The following SPAG9 variants were observed in gnomAD, a reference collection of about 807,000 sequenced individuals.
SPAG9 encodes C-Jun-amino-terminal kinase-interacting protein 4.
In SPAG9, 35 loss-of-function variants were observed where a neutral mutation model predicts 166.5. The ratio of observed to expected loss-of-function variants is 0.21; its 90% confidence interval spans 0.16 to 0.28. The LOEUF is 0.28. Ranked by LOEUF, SPAG9 falls within the 10% of genes least tolerant of loss-of-function variation. The pLI is 1.00. For synonymous variants in SPAG9, 534 were observed against 565.5 expected, an observed-to-expected ratio of 0.94 and a Z score of 0.79; for missense variants, 1,235 against 1,603.3, an observed-to-expected ratio of 0.77 and a Z score of 3.92.
chr17:51,073,884 C>T (rs1017870233), intron 2 of SPAG9, among the ~76,000 whole-genome samples: 4 of 152,124 alleles, frequency 2.6e-5, no homozygotes, highest in Non-Finnish European at 5.9e-5. Flanking sequence ...GGGCGGACCA[C>T]AAGGTCAGGA....
chr17:51,053,593 G>A (rs950067037), intron 3 of SPAG9, among the ~76,000 whole-genome samples: 2 of 151,632 alleles, frequency 1.3e-5, no homozygotes, highest in African/African-American at 4.8e-5. Context: ...GCTGAGGCAG[G>A]AGAATCGCTT....
Position 50,998,707 on chromosome 17 carries a change from G to A in SPAG9, c.1665-90C>T, listed in dbSNP as rs2044790096. 3 of 1,298,574 alleles carry A rather than the reference G, an allele frequency of 2.3e-6. No individual in the cohort carries two copies. The South Asian group carries it at 4.1e-5, about 18-fold the overall frequency. 80.4% of individuals were successfully genotyped at this position (1,298,574 alleles called of 1,614,324 possible). ...AACTTTAATGTTGAAGAAAATTTCA[G>A]AGTACTTTTACAAGGCAATGAGTTA... On this transcript the variant is annotated intron_variant, in intron 14 of 29. Transcript: ENST00000262013.
chr17:51,006,031 T>G, intron 11 of SPAG9, 54 bp downstream of exon 11: 1 of 1,591,864 alleles, frequency 6.3e-7, no homozygotes, highest in South Asian at 1.1e-5. Flanking sequence ...TCTGTAACCC[T>G]TTGTGGCATA....
At chr17:50,981,744 A>AATGCTAGGCC (rs1211272344) in intron 25 of SPAG9, among the ~76,000 whole-genome samples, 2 of 151,470 alleles carry the variant, frequency 1.3e-5, no homozygotes, top group African/African-American at 4.8e-5. Context: ...GTAAGAAAAC[A>AATGCTAGGCC]ATGCTAGGCC....
Position 51,021,383 on chromosome 17 carries a change from T to G in SPAG9, c.784-18A>C. Reference sequence around the variant, plus strand: ...AGCTCATCCTACAAATAAAAATAATTTAAAATAAAATTTTAAATGACGAAT... The same window carrying G: ...AGCTCATCCTACAAATAAAAATAATGTAAAATAAAATTTTAAATGACGAAT... On this transcript the variant is annotated intron_variant, in intron 6 of 29. Transcript: ENST00000262013. 1.3e-6 allele frequency: 2 copies of G among 1,567,676 alleles called. No individual in the cohort carries two copies. The highest frequency in any genetic ancestry group is 2.4e-5 in the South Asian group (2 of 83,370).
At chr17:51,109,840 T>C (rs2049057139) in intron 1 of SPAG9, among the ~76,000 whole-genome samples, 1 of 152,014 alleles carries the variant, frequency 6.6e-6, no homozygotes, top group African/African-American at 2.4e-5. Flanking sequence ...GCCCCCCAAG[T>C]AGCTGGGACT....
At chr17:51,020,118 T>TGGG (rs201693076) in intron 8 of SPAG9, 41 bp downstream of exon 8, 1 of 1,168,194 alleles carries the variant, frequency 8.6e-7, no homozygotes, top group Admixed American at 1.8e-5. Flanking sequence ...GAGTTGGGGG[T>TGGG]GGGGGGCGCA....
chr17:51,006,380 T>G lies in SPAG9; in HGVS notation c.1272-143A>C, dbSNP rs190958896. 3,253 of 757,190 alleles carry G rather than the reference T, an allele frequency of 4.3e-3. 11 individuals are homozygous for G. The highest frequency in any genetic ancestry group is 5.1e-3 in the Non-Finnish European group (2,525 of 493,154). The allele number at this position is 757,190 out of a possible 1,614,324, so 46.9% of individuals were successfully genotyped here. On this transcript the variant is annotated intron_variant, in intron 10 of 29. Transcript: ENST00000262013. ...CATTCTACCCAATGTTGTTTGTAGATAAATGCAAAAAGAACACAAAGCAAC... is the reference window on the plus strand; with the variant it reads ...CATTCTACCCAATGTTGTTTGTAGAGAAATGCAAAAAGAACACAAAGCAAC...
intron 2 of SPAG9, among the ~76,000 whole-genome samples, chr17:51,069,884 T>C (rs1405194457): frequency 6.6e-6 from 1 of 152,000 alleles, no homozygotes; most frequent in Non-Finnish European, 1.5e-5. Context: ...GCCAACAACA[T>C]TTTTCCATTT....
At position 51,120,602 on chromosome 17, in the gene SPAG9, C is replaced by T. The variant is rs1419265052; in HGVS notation, c.55G>A (p.Val19Met). The change falls in exon 1 of 30, where the codon GTG becomes ATG. Residue 19 changes from valine to methionine, a missense_variant. Around this residue, in one of 6 missense-constraint regions of SPAG9, gnomAD observed 83 missense variants for 149.8 expected, o/e 0.55. Coordinates refer to ENST00000262013, the MANE Select transcript of SPAG9 (RefSeq NM_001130528.3). This position sits in a 1 kb window ranked among gnomAD's most constrained non-coding sequence, Gnocchi z 4.7. ...YQEEPGGSGAVMSERVSGLAG... is the reference protein window; with the variant it reads ...YQEEPGGSGAMMSERVSGLAG... ...AGGCCGGACACCCGCTCCGACATCA[C>T]GGCCCCGGAGCCGCCGGGCTCCTCC... The T allele has an allele frequency of 6.2e-7, 1 of 1,612,760 alleles. No individual in the cohort carries two copies. Among genetic ancestry groups the T allele is most frequent in the Non-Finnish European group, 8.5e-7 (1 of 1,179,582 alleles).
At position 50,985,752 on chromosome 17, in the gene SPAG9, T is replaced by C; in HGVS notation, c.2966A>G (p.Gln989Arg). Residue 989 changes from glutamine (Q) to arginine (R), a missense_variant, in exon 23 of 30, where the codon CAG (glutamine) becomes CGG (arginine). Physicochemically the swap from Gln to Arg is conservative, Grantham distance 43. This residue lies in a region of SPAG9 where 493 missense variants were observed against 559.4 expected (regional missense o/e 0.88). Coordinates refer to ENST00000262013, the MANE Select transcript of SPAG9 (RefSeq NM_001130528.3). ...AATGGAATGGAGACATTTCCTCCAC[T>C]GGGCTACAGATGAATGGACATACAA... ...GCLYVHSSVA[Q>R]WRKCLHSIKL... 1.9e-6 allele frequency: 3 copies of C among 1,607,950 alleles called. No individual in the cohort carries two copies. Among genetic ancestry groups the C allele is most frequent in the Non-Finnish European group, 2.6e-6 (3 of 1,174,898 alleles).
intron 2 of SPAG9, among the ~76,000 whole-genome samples, chr17:51,060,846 T>TG (rs1362023672): frequency 1.3e-5 from 2 of 148,774 alleles, no homozygotes; most frequent in African/African-American, 5.1e-5. Context: ...GGGTTTTTTT[T>TG]GTTTTTTTTT....
intron 1 of SPAG9, among the ~76,000 whole-genome samples, chr17:51,119,671 C>G (rs1020646194): frequency 6.6e-6 from 1 of 152,036 alleles, no homozygotes; most frequent in Admixed American, 6.6e-5. Flanking sequence ...TATAAATAAA[C>G]GGAGGGTTTT....
At chr17:51,106,908 C>T (rs922999955) in intron 1 of SPAG9, among the ~76,000 whole-genome samples, 3 of 151,888 alleles carry the variant, frequency 2.0e-5, no homozygotes, top group African/African-American at 7.3e-5. Flanking sequence ...TCAAGACCAG[C>T]CTGGCTAATA....
intron 3 of SPAG9, among the ~76,000 whole-genome samples, chr17:51,049,219 TACA>T (rs1008902126): frequency 5.3e-5 from 8 of 149,650 alleles, no homozygotes; most frequent in Admixed American, 3.3e-4. Flanking sequence ...GAAAAAAAAA[TACA>T]ACAACTAGCA....
intron 3 of SPAG9, among the ~76,000 whole-genome samples, chr17:51,048,717 T>C (rs1202025839): frequency 6.6e-6 from 1 of 152,188 alleles, no homozygotes; most frequent in South Asian, 2.1e-4. Context: ...TTTTAAGATG[T>C]TATTTATCAT....
intron 25 of SPAG9, among the ~76,000 whole-genome samples, chr17:50,981,166 C>T (rs186413605): frequency 1.0e-3 from 94 of 91,240 alleles, no homozygotes; most frequent in African/African-American, 2.5e-3. Context: ...CCATAAGTCA[C>T]GCTGAACACA....
intron 1 of SPAG9, among the ~76,000 whole-genome samples, chr17:51,096,917 G>A (rs1303314452): frequency 1.3e-5 from 2 of 152,146 alleles, no homozygotes; most frequent in Non-Finnish European, 2.9e-5. Flanking sequence ...TATGTTAATG[G>A]GTAGATTCAT....
At chr17:51,108,404 AT>A (rs1245156200) in intron 1 of SPAG9, among the ~76,000 whole-genome samples, 21 of 147,532 alleles carry the variant, frequency 1.4e-4, no homozygotes, top group African/African-American at 5.2e-4. Context: ...AAAAAAAAAA[AT>A]AGTTACTAGC....
Sources: allele counts gnomAD v4.1 joint callset (sites outside exome capture counted in the v4.1 genomes callset), GRCh38; gene constraint gnomAD v4.1.1; regional missense constraint gnomAD v4.1.1; non-coding constraint Gnocchi (gnomAD v3.1); transcripts MANE v1.5; gene names NCBI Gene and HGNC (gene_info 2026-07-23, HGNC 2026-07-21).